The following PKHD1 variants were observed in gnomAD, a reference collection of about 807,000 sequenced individuals.
PKHD1 encodes the protein fibrocystin.
PKHD1 carries 291 observed loss-of-function variants against 412.0 expected under a neutral mutation model. The observed-to-expected ratio is 0.71, with a 90% CI of 0.64 to 0.78. The LOEUF (loss-of-function observed/expected upper bound fraction) is 0.78, where lower values mean the gene tolerates loss of function less well. PKHD1 is among the 30% of genes least tolerant of loss of function. PKHD1 has a pLI of 0.00. For missense variants in PKHD1, 4,825 were observed against 4,950.7 expected (o/e 0.97, Z 0.76); for synonymous variants, 1,777 against 1,821.5 (o/e 0.98, Z 0.62).
intron 52 of PKHD1, among the ~76,000 whole-genome samples, chr6:51,818,114 C>T (rs898498655): frequency 3.3e-5 from 5 of 152,032 alleles, no homozygotes; most frequent in African/African-American, 1.2e-4. Context: ...AGAGCATTGC[C>T]GATGTTACAA....
intron 60 of PKHD1, chr6:51,682,155 C>T (rs1021758122): frequency 2.2e-6 from 1 of 449,154 alleles, no homozygotes; most frequent in Middle Eastern, 3.3e-4. Flanking sequence ...TTCTTAGATG[C>T]ATCTTTTCCT....
chr6:51,736,664 A>G (rs1783890799), intron 60 of PKHD1, among the ~76,000 whole-genome samples: 1 of 152,124 alleles, frequency 6.6e-6, no homozygotes, highest in Non-Finnish European at 1.5e-5. Context: ...AGAGAATGGT[A>G]TTTTCCCCTC....
At chr6:51,626,855 T>G in intron 66 of PKHD1, 142 bp downstream of exon 66, 2 of 820,532 alleles carry the variant, frequency 2.4e-6, no homozygotes, top group South Asian at 1.4e-5. Context: ...TGCTGGGGTA[T>G]AATTTCTTTG....
intron 35 of PKHD1, chr6:51,975,664 T>C (rs1168279015): frequency 6.8e-6 from 1 of 146,128 alleles, no homozygotes; most frequent in Non-Finnish European, 1.5e-5. Context: ...GAAAGTGAAG[T>C]GCAGTGTTGC....
At chr6:52,014,057 C>T (rs1800146823) in intron 34 of PKHD1, among the ~76,000 whole-genome samples, 1 of 152,206 alleles carries the variant, frequency 6.6e-6, no homozygotes, top group Non-Finnish European at 1.5e-5. Flanking sequence ...ATTACTTAAT[C>T]TTCACTTAGA....
In PKHD1 at chr6:51,883,159, GTCAAT is replaced by G. The variant is rs1562526238; in HGVS notation, c.7279_7283del (p.Ile2427ArgfsTer5). The G allele has an allele frequency of 6.2e-7, 1 of 1,610,644 alleles. No homozygotes were observed. The highest frequency in any genetic ancestry group is 8.5e-7 in the Non-Finnish European group (1 of 1,176,876). On this transcript the variant is annotated frameshift_variant, in exon 46 of 67. Transcript: ENST00000371117. LOFTEE classifies it high-confidence loss of function. ...AAGTATTTGCATCACTTTCCAAGAC[GTCAAT>G]TCCAAAATCTCTGCATGAATAAACT...
chr6:51,732,709 T>C (rs1047096238), intron 60 of PKHD1, among the ~76,000 whole-genome samples: 1 of 152,230 alleles, frequency 6.6e-6, no homozygotes, highest in African/African-American at 2.4e-5. Flanking sequence ...GGTACAGTTA[T>C]TGTGGGAAAC....
chr6:51,908,136 G>A (rs566552473), intron 40 of PKHD1, among the ~76,000 whole-genome samples: 11 of 152,204 alleles, frequency 7.2e-5, no homozygotes, highest in Middle Eastern at 3.4e-3. Flanking sequence ...TAATCAATCC[G>A]AAGCACTAGC....
rs1216445909 is a variant in PKHD1 at position 51,807,458 on chromosome 6, AAT to A, written c.8303-16087_8303-16086del. On this transcript the variant is annotated intron_variant, in intron 52 of 66. Transcript: ENST00000371117. ...GTCTCAAAAAAAAAAAAAAAAAAAA[AAT>A]ATATATATATATATATATATGTATA... Among the ~76,000 whole-genome samples the A allele has an allele frequency of 2.2e-4, 11 of 49,700 alleles. 1 individual carries two copies. The highest frequency in any genetic ancestry group is 2.0e-3 in the East Asian group (1 of 504). The allele number at this position is 49,700 out of a possible 152,430, so 32.6% of individuals were successfully genotyped here.
intron 64 of PKHD1, 27 bp downstream of exon 64, chr6:51,638,820 CAG>C: frequency 3.1e-6 from 3 of 983,132 alleles, no homozygotes; most frequent in African/African-American, 1.9e-5. Context: ...AAAAAAAACA[CAG>C]AATAAAAGCA....
At chr6:51,855,662 T>A (rs192241945) in intron 49 of PKHD1, among the ~76,000 whole-genome samples, 37 of 152,318 alleles carry the variant, frequency 2.4e-4, no homozygotes, top group Non-Finnish European at 4.0e-4. Context: ...GCATTCACAA[T>A]AACACATAAA....
chr6:51,838,440 C>T (rs972722847), intron 50 of PKHD1, among the ~76,000 whole-genome samples: 3 of 152,168 alleles, frequency 2.0e-5, no homozygotes, highest in Admixed American at 6.5e-5. Flanking sequence ...CAAATGGTCC[C>T]TACCTCCAGG....
intron 60 of PKHD1, among the ~76,000 whole-genome samples, chr6:51,670,284 C>T (rs189830168): frequency 2.0e-4 from 30 of 152,228 alleles, no homozygotes; most frequent in South Asian, 2.1e-4. Flanking sequence ...TTGAATTGAT[C>T]CGTTTACCAT....
chr6:51,880,803 A>AAAAAAAAAAAAAAT (rs1777170525), intron 46 of PKHD1, among the ~76,000 whole-genome samples: 1 of 111,046 alleles, frequency 9.0e-6, no homozygotes, highest in Non-Finnish European at 1.8e-5. Flanking sequence ...AAAAAAAAAA[A>AAAAAAAAAAAAAAT]AAAACACAAA....
intron 55 of PKHD1, among the ~76,000 whole-genome samples, chr6:51,762,361 C>A (rs1431452153): frequency 6.6e-6 from 1 of 152,012 alleles, no homozygotes; most frequent in African/African-American, 2.4e-5. Flanking sequence ...ATATACATAA[C>A]ATTTGTAATG....
At chr6:51,894,421 G>A (rs1056558882) in intron 43 of PKHD1, among the ~76,000 whole-genome samples, 1 of 152,330 alleles carries the variant, frequency 6.6e-6, no homozygotes, top group South Asian at 2.1e-4. Flanking sequence ...GGCAGGGAGA[G>A]AAGCAGACCA....
intron 64 of PKHD1, among the ~76,000 whole-genome samples, chr6:51,634,360 T>C (rs895097045): frequency 3.3e-5 from 5 of 152,158 alleles, no homozygotes; most frequent in African/African-American, 1.2e-4. Flanking sequence ...CTGAGCCATA[T>C]TTGGCTTGTT....
chr6:52,040,056 A>G (rs1309196997), intron 27 of PKHD1, among the ~76,000 whole-genome samples: 1 of 152,208 alleles, frequency 6.6e-6, no homozygotes, highest in African/African-American at 2.4e-5. Flanking sequence ...AAATAGGCAA[A>G]TTCACTTAGA....
At position 51,736,416 on chromosome 6, in the gene PKHD1, T is replaced by C. The variant is rs144140334; in HGVS notation, c.10156+7969A>G. On this transcript the variant is annotated intron_variant, in intron 60 of 66. Coordinates refer to ENST00000371117, the MANE Select transcript of PKHD1 (RefSeq NM_138694.4). The stretch of plus-strand genomic sequence containing the variant: ...ACAAAATAAGGTGAAGGAAAGGTAC[T>C]CTTTGGGTCTGAACGATGTACCACT... Among the ~76,000 whole-genome samples, 44 of 152,286 alleles carry C rather than the reference T, an allele frequency of 2.9e-4. 1 individual carries two copies. The highest frequency in any genetic ancestry group is 1.0e-3 in the African/African-American group (42 of 41,550).
Sources: allele counts gnomAD v4.1 joint callset (sites outside exome capture counted in the v4.1 genomes callset), GRCh38; gene constraint gnomAD v4.1.1; transcripts MANE v1.5; gene names NCBI Gene and HGNC (gene_info 2026-07-23, HGNC 2026-07-21).